The following RIMS2 variants were observed in gnomAD, a reference collection of about 807,000 sequenced individuals.
RIMS2 encodes the protein regulating synaptic membrane exocytosis protein 2.
RIMS2 carries 59 observed loss-of-function variants against 174.4 expected under a neutral mutation model. The observed-to-expected ratio is 0.34, with a 90% CI of 0.27 to 0.42. RIMS2 has a LOEUF of 0.42. RIMS2 is among the 10% of genes least tolerant of loss of function. The pLI, the probability that RIMS2 is intolerant of heterozygous loss-of-function variation, is 1.00. For synonymous variants in RIMS2, 606 were observed against 572.5 expected (o/e 1.06, Z -0.84); for missense variants, 1,620 against 1,666.3 (o/e 0.97, Z 0.48).
At chr8:104,011,804 A>G (rs1227094905) in intron 17 of RIMS2, among the ~76,000 whole-genome samples, 2 of 152,044 alleles carry the variant, frequency 1.3e-5, no homozygotes, top group African/African-American at 4.8e-5. Flanking sequence ...AAATAAATGT[A>G]AAGATTGGTA....
At chr8:103,881,032 G>C (rs1253246484) in intron 3 of RIMS2, among the ~76,000 whole-genome samples, 2 of 151,186 alleles carry the variant, frequency 1.3e-5, no homozygotes, top group Non-Finnish European at 3.0e-5. Context: ...TCAGGTTATT[G>C]ATTTTTAAAG....
intron 1 of RIMS2, among the ~76,000 whole-genome samples, chr8:103,596,717 A>G (rs1481946060): frequency 6.6e-6 from 1 of 152,030 alleles, no homozygotes; most frequent in Admixed American, 6.6e-5. Flanking sequence ...ATTCTAAAAA[A>G]TTACAATTTG....
intron 1 of RIMS2, among the ~76,000 whole-genome samples, chr8:103,568,449 T>C (rs1395232578): frequency 6.6e-6 from 1 of 152,248 alleles, no homozygotes; most frequent in Non-Finnish European, 1.5e-5. Flanking sequence ...GTTTAATGTT[T>C]CTGTAACTGT....
intron 1 of RIMS2, among the ~76,000 whole-genome samples, chr8:103,591,208 T>C (rs916501788): frequency 2.0e-5 from 3 of 151,154 alleles, no homozygotes; most frequent in Admixed American, 1.3e-4. Context: ...TACATATTCC[T>C]TCATGGACTG....
chr8:103,988,099 A>G (rs565890392), intron 16 of RIMS2, among the ~76,000 whole-genome samples: 17 of 152,344 alleles, frequency 1.1e-4, no homozygotes, highest in African/African-American at 3.8e-4. Context: ...CAATAAATCC[A>G]TTTTGAAAAA....
chr8:103,946,155 A>G (rs550197317), intron 14 of RIMS2, among the ~76,000 whole-genome samples: 1 of 152,354 alleles, frequency 6.6e-6, no homozygotes, highest in Admixed American at 6.5e-5. Context: ...TACATGAACA[A>G]TATACTAGAA....
chr8:103,609,818 T>G (rs1026603228), intron 1 of RIMS2, among the ~76,000 whole-genome samples: 1 of 152,240 alleles, frequency 6.6e-6, no homozygotes, highest in Non-Finnish European at 1.5e-5. Flanking sequence ...TTTCTGCTCT[T>G]TTTTGCTTCT....
At chr8:103,840,417 A>T (rs1351685540) in intron 3 of RIMS2, among the ~76,000 whole-genome samples, 1 of 149,482 alleles carries the variant, frequency 6.7e-6, no homozygotes, top group East Asian at 2.1e-4. Flanking sequence ...CATTGCATTC[A>T]TATTGTTGTG....
chr8:104,205,571 C>G (rs2099076045), intron 19 of RIMS2, among the ~76,000 whole-genome samples: 1 of 151,942 alleles, frequency 6.6e-6, no homozygotes, highest in African/African-American at 2.4e-5. Flanking sequence ...TGAGTTCTTA[C>G]AGATCAGAAG....
At chr8:103,854,948 T>G (rs1281712772) in intron 3 of RIMS2, among the ~76,000 whole-genome samples, 1 of 152,140 alleles carries the variant, frequency 6.6e-6, no homozygotes, top group Non-Finnish European at 1.5e-5. Context: ...AGTTCTTCTT[T>G]GTATAACTGG....
intron 3 of RIMS2, among the ~76,000 whole-genome samples, chr8:103,844,748 CAGAG>C (rs147077604): frequency 6.6e-6 from 1 of 151,944 alleles, no homozygotes; most frequent in Non-Finnish European, 1.5e-5. Context: ...TAAGAAGAGA[CAGAG>C]AGAATGAGAG....
At chr8:103,548,455 A>T (rs1380961193) in intron 1 of RIMS2, among the ~76,000 whole-genome samples, 1 of 152,242 alleles carries the variant, frequency 6.6e-6, no homozygotes, top group Non-Finnish European at 1.5e-5. Flanking sequence ...AAAGTCTTTC[A>T]ATAAATTCAA....
chr8:104,133,587 G>A (rs987991297), intron 19 of RIMS2, among the ~76,000 whole-genome samples: 1 of 152,132 alleles, frequency 6.6e-6, no homozygotes, highest in African/African-American at 2.4e-5. Flanking sequence ...AAAATGATTT[G>A]TATTTTAGAA....
chr8:103,947,539 G>A (rs769701908), intron 14 of RIMS2, among the ~76,000 whole-genome samples: 6 of 152,120 alleles, frequency 3.9e-5, no homozygotes, highest in East Asian at 1.9e-4. Context: ...CAATTGTAAC[G>A]CAATGATAAG....
chr8:104,228,310 G>C lies in RIMS2; in HGVS notation c.3335-16606G>C, dbSNP rs568337222. 1.7e-4 allele frequency among the ~76,000 whole-genome samples: 26 copies of C among 152,186 alleles called. No homozygotes were observed. In the East Asian group the frequency reaches 4.8e-3, roughly 28 times the overall value. On this transcript the variant is annotated intron_variant, in intron 19 of 23. Coordinates refer to ENST00000504942, the Ensembl canonical transcript of RIMS2. ...CCCAAAGTGCTGAGATTACAGGCAT[G>C]AGCCACCGTGCCCGGCCTAGCTTCA...
intron 3 of RIMS2, among the ~76,000 whole-genome samples, chr8:103,828,157 G>T (rs1460051848): frequency 6.6e-6 from 1 of 152,072 alleles, no homozygotes; most frequent in Non-Finnish European, 1.5e-5. Context: ...GTTTTCTTAA[G>T]TTGAAATGTC....
chr8:104,140,028 T>A (rs1193133168), intron 19 of RIMS2, among the ~76,000 whole-genome samples: 1 of 152,198 alleles, frequency 6.6e-6, no homozygotes, highest in African/African-American at 2.4e-5. Context: ...ATCATATGGT[T>A]TTTGTCCTTC....
chr8:103,876,595 C>G (rs892980388), intron 3 of RIMS2, among the ~76,000 whole-genome samples: 2 of 150,938 alleles, frequency 1.3e-5, no homozygotes, highest in African/African-American at 4.8e-5. Flanking sequence ...ATCCCTCACC[C>G]CCTTCCCACC....
chr8:103,588,649 A>G (rs1431717876), intron 1 of RIMS2, among the ~76,000 whole-genome samples: 3 of 151,876 alleles, frequency 2.0e-5, no homozygotes, highest in East Asian at 3.8e-4. Context: ...CCAAGAATAT[A>G]AACTTGGGAA....
Sources: gnomAD v4.1 joint callset for allele counts (sites outside exome capture counted in the v4.1 genomes callset) on GRCh38, gnomAD v4.1.1 for gene constraint, MANE v1.5 for transcripts, NCBI Gene and HGNC (gene_info 2026-07-23, HGNC 2026-07-21) for gene names.